CDH20: variants seen among roughly 807,000 people sequenced by gnomAD.
CDH20 encodes the protein cadherin 20, also known as cadherin-20.
In CDH20, 29 loss-of-function variants were observed where a neutral mutation model predicts 74.2. That is an observed-to-expected ratio of 0.39 (90% confidence interval 0.29 to 0.53). The LOEUF (loss-of-function observed/expected upper bound fraction) is 0.53, where lower values mean the gene tolerates loss of function less well. Ranked by LOEUF, CDH20 falls within the 20% of genes least tolerant of loss-of-function variation. The pLI is 0.69. For missense variants in CDH20, 988 were observed against 1,048.3 expected (o/e 0.94, Z 0.79); for synonymous variants, 469 against 405.4 (o/e 1.16, Z -1.88).
intron 1 of CDH20, among the ~76,000 whole-genome samples, chr18:61,384,279 G>T (rs1911526632): frequency 6.6e-6 from 1 of 152,166 alleles, no homozygotes; most frequent in Non-Finnish European, 1.5e-5. Context: ...CTTTTTCATT[G>T]TATCTCATCA....
chr18:61,405,411 C>A (rs1284541246), intron 1 of CDH20, among the ~76,000 whole-genome samples: 2 of 151,990 alleles, frequency 1.3e-5, no homozygotes, highest in African/African-American at 2.4e-5. Flanking sequence ...TATACCAAGA[C>A]CCCCATCTTT....
chr18:61,439,226 C>G (rs1455548656), intron 1 of CDH20, among the ~76,000 whole-genome samples: 1 of 151,928 alleles, frequency 6.6e-6, no homozygotes, highest in Non-Finnish European at 1.5e-5. Flanking sequence ...TGTAAGAAAC[C>G]CATGCATGTA....
At chr18:61,549,513 G>A (rs1353871133) in intron 10 of CDH20, among the ~76,000 whole-genome samples, 1 of 152,126 alleles carries the variant, frequency 6.6e-6, no homozygotes, top group Non-Finnish European at 1.5e-5. Context: ...CAGACAAAGC[G>A]GCAAAAATAA....
intron 6 of CDH20, among the ~76,000 whole-genome samples, chr18:61,527,084 G>C (rs992439343): frequency 1.4e-4 from 22 of 152,178 alleles, no homozygotes; most frequent in African/African-American, 4.6e-4. Context: ...GGAGGCTGAG[G>C]CAGAAGAATC....
At chr18:61,503,345 T>A (rs1427783669) in intron 5 of CDH20, among the ~76,000 whole-genome samples, 2 of 152,204 alleles carry the variant, frequency 1.3e-5, no homozygotes, top group African/African-American at 2.4e-5. Context: ...CATTTTCTCC[T>A]CCCTGTGGAA....
chr18:61,366,402 G>A (rs903432426), intron 1 of CDH20, among the ~76,000 whole-genome samples: 1 of 152,074 alleles, frequency 6.6e-6, no homozygotes, highest in African/African-American at 2.4e-5. Context: ...CTTTATTAAA[G>A]TACATCAGTT....
intron 1 of CDH20, among the ~76,000 whole-genome samples, chr18:61,342,907 C>T (rs1909999102): frequency 6.6e-6 from 1 of 152,098 alleles, no homozygotes; most frequent in East Asian, 1.9e-4. Flanking sequence ...TCATTAAGAT[C>T]AGGTTTTTCC....
chr18:61,540,246 G>A (rs1229314906), intron 9 of CDH20, among the ~76,000 whole-genome samples: 3 of 152,128 alleles, frequency 2.0e-5, no homozygotes, highest in African/African-American at 7.2e-5. Flanking sequence ...TCAATGGGCT[G>A]GAATGGTTTT....
chr18:61,451,043 C>G (rs1717504750), intron 1 of CDH20, among the ~76,000 whole-genome samples: 1 of 151,808 alleles, frequency 6.6e-6, no homozygotes, highest in Non-Finnish European at 1.5e-5. Context: ...ATGGCTTGGT[C>G]AAAGAATTGG....
At chr18:61,478,471 A>G (rs187362419) in intron 1 of CDH20, among the ~76,000 whole-genome samples, 177 of 152,288 alleles carry the variant, frequency 1.2e-3, no homozygotes, top group African/African-American at 4.1e-3. Flanking sequence ...AGGTAGGGAT[A>G]AAGGTTCTCT....
chr18:61,474,317 G>A (rs1910292538), intron 1 of CDH20, among the ~76,000 whole-genome samples: 1 of 152,180 alleles, frequency 6.6e-6, no homozygotes, highest in Admixed American at 6.5e-5. Flanking sequence ...CTGTGAAGAT[G>A]AATTTTTAAA....
At chr18:61,489,061 C>T (rs13381036) in intron 1 of CDH20, among the ~76,000 whole-genome samples, 23,000 of 152,228 alleles carry the variant, frequency 0.15, 1,836 homozygotes, top group African/African-American at 0.21. Flanking sequence ...AGCTGGAGCT[C>T]ATAAGAGGCA....
intron 1 of CDH20, among the ~76,000 whole-genome samples, chr18:61,442,087 T>G (rs1308087756): frequency 2.0e-5 from 3 of 151,998 alleles, no homozygotes; most frequent in Non-Finnish European, 4.4e-5. Context: ...CAAATGGACA[T>G]GGTGGCTCAT....
chr18:61,438,317 A>T (rs1908904787), intron 1 of CDH20, among the ~76,000 whole-genome samples: 1 of 152,128 alleles, frequency 6.6e-6, no homozygotes. Context: ...GGTGACAGGA[A>T]AAAGAGAGGA....
At chr18:61,435,502 G>C (rs1394533103) in intron 1 of CDH20, among the ~76,000 whole-genome samples, 1 of 151,926 alleles carries the variant, frequency 6.6e-6, no homozygotes, top group Non-Finnish European at 1.5e-5. Flanking sequence ...ATACAGGCCA[G>C]GCATAATGCT....
chr18:61,478,198 C>CAA (rs56057785), intron 1 of CDH20, among the ~76,000 whole-genome samples: 20 of 104,192 alleles, frequency 1.9e-4, no homozygotes, highest in African/African-American at 1.4e-4. Context: ...GACTCTGTCT[C>CAA]AAAAAAAAAA....
At chr18:61,428,590 C>G (rs1236384635) in intron 1 of CDH20, among the ~76,000 whole-genome samples, 1 of 152,166 alleles carries the variant, frequency 6.6e-6, no homozygotes, top group Non-Finnish European at 1.5e-5. Context: ...CCTTGCATCT[C>G]AATATCTCAG....
intron 1 of CDH20, among the ~76,000 whole-genome samples, chr18:61,393,710 C>T (rs1911867944): frequency 6.6e-6 from 1 of 152,144 alleles, no homozygotes; most frequent in Non-Finnish European, 1.5e-5. Context: ...TTCTTTTAAA[C>T]ATTATTTGCT....
chr18:61,522,364 T>A (rs1264969225), intron 6 of CDH20, among the ~76,000 whole-genome samples: 1 of 152,186 alleles, frequency 6.6e-6, no homozygotes, highest in East Asian at 1.9e-4. Context: ...ACAAGTGATG[T>A]GAAGGACCTC....
Sources: allele counts gnomAD v4.1 joint callset (sites outside exome capture counted in the v4.1 genomes callset), GRCh38; gene constraint gnomAD v4.1.1; transcripts MANE v1.5; gene names NCBI Gene and HGNC (gene_info 2026-07-23, HGNC 2026-07-21).